Variants in DNAJC1 observed in about 807,000 individuals in gnomAD.
DNAJC1 encodes the protein dnaJ homolog subfamily C member 1.
A neutral mutation model predicts 76.6 loss-of-function variants in DNAJC1; 58 were observed. That is an observed-to-expected ratio of 0.76 (90% CI 0.61 to 0.94). The LOEUF is 0.94. DNAJC1 is among the 40% of genes least tolerant of loss of function. DNAJC1 has a pLI of 0.00. For synonymous variants in DNAJC1, 258 were observed against 267.9 expected, an observed-to-expected ratio of 0.96 and a Z score of 0.36; for missense variants, 689 against 677.3, an observed-to-expected ratio of 1.02 and a Z score of -0.19.
intron 1 of DNAJC1, among the ~76,000 whole-genome samples, chr10:21,947,047 A>G (rs1209376203): frequency 2.0e-5 from 3 of 152,198 alleles, no homozygotes; most frequent in Non-Finnish European, 4.4e-5. Context: ...TGGACTTTCC[A>G]GCTCCAGAAC....
chr10:21,891,476 C>CAAAAAAAAAAAAAAAAAAAG (rs1554894555), intron 7 of DNAJC1, among the ~76,000 whole-genome samples: 2 of 38,862 alleles, frequency 5.1e-5, no homozygotes, highest in Non-Finnish European at 5.1e-5. Context: ...ACAAAGTAGA[C>CAAAAAAAAAAAAAAAAAAAG]AAAAAAAAAA....
intron 1 of DNAJC1, among the ~76,000 whole-genome samples, chr10:22,002,370 T>A (rs1838532632): frequency 6.6e-6 from 1 of 152,198 alleles, no homozygotes; most frequent in South Asian, 2.1e-4. Flanking sequence ...ACTGGATATC[T>A]ACCCTCACTC....
chr10:21,766,529 C>T (rs888974051), intron 9 of DNAJC1, among the ~76,000 whole-genome samples: 3 of 152,184 alleles, frequency 2.0e-5, no homozygotes, highest in Non-Finnish European at 2.9e-5. Flanking sequence ...CACTCAGCAG[C>T]AGCTTCAGGA....
chr10:21,844,626 A>T (rs1378241242), intron 8 of DNAJC1, among the ~76,000 whole-genome samples: 1 of 151,996 alleles, frequency 6.6e-6, no homozygotes, highest in African/African-American at 2.4e-5. Context: ...TTGATTTTCA[A>T]CTCAGTTTGT....
At chr10:21,783,718 A>G (rs1404634171) in intron 9 of DNAJC1, among the ~76,000 whole-genome samples, 1 of 152,224 alleles carries the variant, frequency 6.6e-6, no homozygotes, top group Non-Finnish European at 1.5e-5. Flanking sequence ...AGACCAATGG[A>G]ACAGAACAGA....
chr10:21,773,372 T>C (rs1303687497), intron 9 of DNAJC1, among the ~76,000 whole-genome samples: 1 of 152,230 alleles, frequency 6.6e-6, no homozygotes, highest in Non-Finnish European at 1.5e-5. Context: ...TCCCTCATTA[T>C]TTCTTCCATG....
chr10:21,861,891 A>T (rs1048313062), intron 8 of DNAJC1, among the ~76,000 whole-genome samples: 1 of 151,976 alleles, frequency 6.6e-6, no homozygotes, highest in African/African-American at 2.4e-5. Flanking sequence ...TCATTCTTTC[A>T]TCCCTTCACT....
chr10:21,942,795 G>C (rs1203072793), intron 1 of DNAJC1, among the ~76,000 whole-genome samples: 1 of 123,798 alleles, frequency 8.1e-6, no homozygotes, highest in African/African-American at 3.1e-5. Context: ...GACAGAGCGA[G>C]ACTCCATCTC....
intron 8 of DNAJC1, among the ~76,000 whole-genome samples, chr10:21,835,135 G>C (rs1590003296): frequency 6.6e-6 from 1 of 152,160 alleles, no homozygotes; most frequent in Non-Finnish European, 1.5e-5. Context: ...AAAACTTCCA[G>C]AGGAACGATC....
rs1399276786 is a variant in DNAJC1 at position 21,944,048 on chromosome 10, T to C, written c.223-14907A>G. On this transcript the variant is annotated intron_variant, in intron 1 of 11. Coordinates refer to ENST00000376980, the MANE Select transcript of DNAJC1 (RefSeq NM_022365.4). ...GGCCAAATCTACCTTATATCCAGAATACTTGCTGCAAGTGGATCTGGGAAA... is the reference window on the plus strand; with the variant it reads ...GGCCAAATCTACCTTATATCCAGAACACTTGCTGCAAGTGGATCTGGGAAA... Among the ~76,000 whole-genome samples, 3 of 152,148 alleles carry C rather than the reference T, an allele frequency of 2.0e-5. No individual in the cohort carries two copies. In the East Asian group the frequency reaches 5.8e-4, roughly 29 times the overall value.
intron 9 of DNAJC1, among the ~76,000 whole-genome samples, chr10:21,797,476 T>C (rs963777640): frequency 6.6e-6 from 1 of 152,218 alleles, no homozygotes. Flanking sequence ...TTTCTAGTTC[T>C]GTAAATCAAT....
chr10:21,981,604 A>C (rs752481497), intron 1 of DNAJC1, among the ~76,000 whole-genome samples: 11 of 152,162 alleles, frequency 7.2e-5, no homozygotes, highest in Non-Finnish European at 1.6e-4. Flanking sequence ...CAATTTCCTC[A>C]TTTGTAAAAT....
intron 1 of DNAJC1, among the ~76,000 whole-genome samples, chr10:21,996,014 T>C (rs1276878062): frequency 2.0e-5 from 3 of 152,190 alleles, no homozygotes; most frequent in African/African-American, 4.8e-5. Flanking sequence ...TTTACATTCA[T>C]TAGTATAGGG....
At chr10:21,781,104 A>G (rs1163315214) in intron 9 of DNAJC1, among the ~76,000 whole-genome samples, 1 of 152,208 alleles carries the variant, frequency 6.6e-6, no homozygotes, top group Non-Finnish European at 1.5e-5. Flanking sequence ...GCAAGTACTT[A>G]GAGACATACA....
At chr10:21,799,136 A>C (rs181782647) in intron 9 of DNAJC1, among the ~76,000 whole-genome samples, 190 of 152,328 alleles carry the variant, frequency 1.2e-3, no homozygotes, top group African/African-American at 4.3e-3. Flanking sequence ...CCATCATGTA[A>C]GATATTACAT....
intron 6 of DNAJC1, among the ~76,000 whole-genome samples, chr10:21,908,171 A>C (rs1352342263): frequency 9.0e-6 from 1 of 110,736 alleles, no homozygotes; most frequent in Non-Finnish European, 1.7e-5. Context: ...AAAATATATA[A>C]TATATAATAT....
At chr10:22,000,246 T>C (rs1451223738) in intron 1 of DNAJC1, among the ~76,000 whole-genome samples, 1 of 152,220 alleles carries the variant, frequency 6.6e-6, no homozygotes, top group Non-Finnish European at 1.5e-5. Flanking sequence ...AGGTCCAATC[T>C]ATACCACAAT....
At chr10:21,988,856 C>T (rs559665612) in intron 1 of DNAJC1, among the ~76,000 whole-genome samples, 3 of 152,264 alleles carry the variant, frequency 2.0e-5, no homozygotes, top group East Asian at 3.9e-4. Flanking sequence ...TTTTCTGACA[C>T]GCACCTAAGA....
In DNAJC1 at chr10:21,920,901, C is replaced by A. The variant is rs543557264; in HGVS notation, c.434G>T (p.Arg145Leu). The change falls in exon 4 of 12, where the codon CGG (arginine) becomes CTG (leucine). Residue 145 changes from arginine (R) to leucine (L), a missense_variant. By Grantham distance (102) the Arg-to-Leu change is moderately radical (BLOSUM62 -2). Transcript: ENST00000376980. ...CTCAGCATTGCTCATTTTTCTCACCCGCCTGTAGTAGAATACAGGCTGTCG... is the reference window on the plus strand; with the variant it reads ...CTCAGCATTGCTCATTTTTCTCACCAGCCTGTAGTAGAATACAGGCTGTCG... ...DWRQPVFYYRRVRKMSNAELA... is the reference protein window; with the variant it reads ...DWRQPVFYYRLVRKMSNAELA... The A allele has an allele frequency of 6.2e-7, 1 of 1,612,648 alleles. No individual in the cohort carries two copies. The highest frequency in any genetic ancestry group is 1.7e-5 in the Admixed American group (1 of 59,904).
Sources: gnomAD v4.1 joint callset for allele counts (sites outside exome capture counted in the v4.1 genomes callset) on GRCh38, gnomAD v4.1.1 for gene constraint, MANE v1.5 for transcripts, NCBI Gene and HGNC (gene_info 2026-07-23, HGNC 2026-07-21) for gene names.